MARCHF1: variants seen among roughly 807,000 people sequenced by gnomAD.
The protein encoded by MARCHF1 is E3 ubiquitin-protein ligase MARCHF1.
Under a neutral mutation model 54.2 loss-of-function variants are expected in MARCHF1, and 40 were observed. That is an observed-to-expected ratio of 0.74 (90% CI 0.57 to 0.96). The LOEUF (loss-of-function observed/expected upper bound fraction) is 0.96, where lower values mean the gene tolerates loss of function less well. Ranked by LOEUF, MARCHF1 falls within the 40% of genes least tolerant of loss-of-function variation. MARCHF1 has a pLI of 0.00. For missense variants in MARCHF1, 586 were observed against 656.5 expected, an observed-to-expected ratio of 0.89 and a Z score of 1.17; for synonymous variants, 236 against 236.3, an observed-to-expected ratio of 1.00 and a Z score of 0.01.
chr4:164,082,045 CAACT>C (rs775651506), intron 2 of MARCHF1, among the ~76,000 whole-genome samples: 1 of 152,180 alleles, frequency 6.6e-6, no homozygotes, highest in African/African-American at 2.4e-5. Flanking sequence ...CTCAGGCAGG[CAACT>C]TACTCATGTA....
chr4:164,148,597 G>A (rs1048790027), intron 1 of MARCHF1, among the ~76,000 whole-genome samples: 1 of 152,006 alleles, frequency 6.6e-6, no homozygotes, highest in African/African-American at 2.4e-5. Flanking sequence ...GACTGAAGCT[G>A]AAGTTCCTAT....
chr4:164,099,854 T>A (rs907314628), intron 2 of MARCHF1, among the ~76,000 whole-genome samples: 1 of 152,208 alleles, frequency 6.6e-6, no homozygotes, highest in Non-Finnish European at 1.5e-5. Flanking sequence ...AATTTTGTTA[T>A]ATTTTCTATT....
intron 8 of MARCHF1, among the ~76,000 whole-genome samples, chr4:163,553,786 G>A (rs1739193726): frequency 6.6e-6 from 1 of 152,102 alleles, no homozygotes; most frequent in Non-Finnish European, 1.5e-5. Context: ...CATGAGCGTG[G>A]GTGTGTGGCT....
intron 5 of MARCHF1, among the ~76,000 whole-genome samples, chr4:163,694,485 A>C (rs1393915797): frequency 6.6e-6 from 1 of 152,176 alleles, no homozygotes; most frequent in African/African-American, 2.4e-5. Context: ...AAGAGGGGAC[A>C]AAGTGAAGTG....
chr4:163,612,666 G>C lies in MARCHF1; in HGVS notation c.615C>G (p.Asn205Lys). 6.5e-7 allele frequency: 1 copy of C among 1,535,488 alleles called. No individual in the cohort carries two copies. Among genetic ancestry groups the C allele is most frequent in the Non-Finnish European group, 8.7e-7 (1 of 1,146,516 alleles). ...CENLAGSSTP[N>K]GIELVDLGSK... ...ATCCCAGATCAACGAGCTCAATTCCGTTAGGAGTGGAAGACCCAGCTAAGT... is the reference window on the plus strand; with the variant it reads ...ATCCCAGATCAACGAGCTCAATTCCCTTAGGAGTGGAAGACCCAGCTAAGT... The change falls in exon 7 of 10, where the codon AAC becomes AAG. Residue 205 changes from asparagine to lysine, a missense_variant. Coordinates refer to ENST00000514618, the MANE Select transcript of MARCHF1 (RefSeq NM_001394959.1).
At chr4:163,976,713 A>C (rs1302393436) in intron 3 of MARCHF1, among the ~76,000 whole-genome samples, 1 of 152,172 alleles carries the variant, frequency 6.6e-6, no homozygotes, top group Non-Finnish European at 1.5e-5. Context: ...GACTTCTCTA[A>C]AGTGCCATGA....
chr4:164,312,524 A>G (rs1320748974), intron 1 of MARCHF1, among the ~76,000 whole-genome samples: 3 of 151,714 alleles, frequency 2.0e-5, no homozygotes, highest in Non-Finnish European at 4.4e-5. Flanking sequence ...GGGTTTCACC[A>G]TGTTAGCCAG....
chr4:163,872,019 T>G (rs184459059), intron 3 of MARCHF1, among the ~76,000 whole-genome samples: 1 of 152,306 alleles, frequency 6.6e-6, no homozygotes, highest in Non-Finnish European at 1.5e-5. Flanking sequence ...TTGAAGAAGC[T>G]TAAGAGAAAA....
chr4:163,566,816 A>AT (rs1739659839), intron 8 of MARCHF1, among the ~76,000 whole-genome samples: 1 of 152,248 alleles, frequency 6.6e-6, no homozygotes, highest in Non-Finnish European at 1.5e-5. Context: ...TATTTGGGAA[A>AT]TTCGCTAAAG....
chr4:163,628,088 T>A (rs949762921), intron 5 of MARCHF1, among the ~76,000 whole-genome samples: 3 of 151,982 alleles, frequency 2.0e-5, no homozygotes, highest in Admixed American at 2.0e-4. Flanking sequence ...AATTAGACAA[T>A]ATAAAAATTA....
At chr4:164,380,850 T>G (rs896506748) in intron 1 of MARCHF1, among the ~76,000 whole-genome samples, 1 of 152,190 alleles carries the variant, frequency 6.6e-6, no homozygotes, top group Non-Finnish European at 1.5e-5. Flanking sequence ...CTACAATGTT[T>G]TGTGATCCAT....
chr4:163,567,217 T>C (rs532801969), intron 8 of MARCHF1, among the ~76,000 whole-genome samples: 139 of 152,168 alleles, frequency 9.1e-4, no homozygotes, highest in African/African-American at 3.0e-3. Flanking sequence ...AGAAATGAAG[T>C]GTGGCAGAGT....
chr4:164,293,343 C>T (rs750308806), intron 1 of MARCHF1, among the ~76,000 whole-genome samples: 7 of 152,254 alleles, frequency 4.6e-5, no homozygotes, highest in South Asian at 2.1e-4. Context: ...AGACCATCTC[C>T]GTATAAGGCA....
At chr4:164,004,841 A>G (rs1753255280) in intron 2 of MARCHF1, among the ~76,000 whole-genome samples, 1 of 152,114 alleles carries the variant, frequency 6.6e-6, no homozygotes. Context: ...ATGTACTTAA[A>G]TAAGTGCTCC....
intron 3 of MARCHF1, among the ~76,000 whole-genome samples, chr4:163,886,672 A>G (rs1392678808): frequency 6.6e-6 from 1 of 152,150 alleles, no homozygotes; most frequent in Admixed American, 6.5e-5. Flanking sequence ...GGGAACTTCT[A>G]TAGAATTCTC....
At chr4:164,011,771 G>A (rs764594266) in intron 2 of MARCHF1, among the ~76,000 whole-genome samples, 1 of 152,182 alleles carries the variant, frequency 6.6e-6, no homozygotes, top group Non-Finnish European at 1.5e-5. Context: ...GTCATGTGAG[G>A]TATCACAGTA....
chr4:164,277,891 T>C (rs1733926592), intron 1 of MARCHF1, among the ~76,000 whole-genome samples: 1 of 152,198 alleles, frequency 6.6e-6, no homozygotes, highest in South Asian at 2.1e-4. Context: ...TTAATATTCC[T>C]TTAAATTAGG....
intron 2 of MARCHF1, among the ~76,000 whole-genome samples, chr4:164,100,795 C>A (rs1490738481): frequency 6.6e-6 from 1 of 152,216 alleles, no homozygotes; most frequent in African/African-American, 2.4e-5. Context: ...CGGTCTACAG[C>A]TCCCAGCTTG....
chr4:164,063,957 G>A (rs1208435284), intron 2 of MARCHF1, among the ~76,000 whole-genome samples: 1 of 152,156 alleles, frequency 6.6e-6, no homozygotes, highest in East Asian at 1.9e-4. Context: ...GATTCTTGAA[G>A]ATCAGATAGT....
Sources: allele counts gnomAD v4.1 joint callset (sites outside exome capture counted in the v4.1 genomes callset), GRCh38; gene constraint gnomAD v4.1.1; transcripts MANE v1.5; gene names NCBI Gene and HGNC (gene_info 2026-07-23, HGNC 2026-07-21).